The following SHROOM2 variants were observed in gnomAD, a reference collection of about 807,000 sequenced individuals.
The protein encoded by SHROOM2 is shroom family member 2.
A neutral mutation model predicts 75.9 loss-of-function variants in SHROOM2; 33 were observed. The ratio of observed to expected loss-of-function variants is 0.43; its 90% confidence interval spans 0.33 to 0.58. SHROOM2 has a LOEUF of 0.58. Among genes scored for constraint, SHROOM2 ranks in the 20% least tolerant of loss-of-function variants. The pLI is 0.04. For synonymous variants in SHROOM2, 655 were observed against 663.6 expected, an observed-to-expected ratio of 0.99 and a Z score of 0.20; for missense variants, 1,434 against 1,461.2, an observed-to-expected ratio of 0.98 and a Z score of 0.30.
intron 5 of SHROOM2, among the ~76,000 whole-genome samples, chrX:9,906,595 G>A (rs1400620784): frequency 8.9e-6 from 1 of 112,124 alleles, no homozygotes; most frequent in African/African-American, 3.2e-5. Flanking sequence ...AGGAGTTTGA[G>A]ACCAGCCTGG....
chrX:9,944,579 G>T, intron 8 of SHROOM2, 62 bp from the exon 9 acceptor site: 5 of 1,121,163 alleles, frequency 4.5e-6, no homozygotes, highest in Non-Finnish European at 5.9e-6. Context: ...GAGCAGTGTG[G>T]CCGGGGTGGG....
chrX:9,869,424 C>A (rs1164186894), intron 1 of SHROOM2, among the ~76,000 whole-genome samples: 3 of 112,279 alleles, frequency 2.7e-5, no homozygotes, highest in African/African-American at 6.5e-5. Flanking sequence ...CAGAACTTGT[C>A]ATCTTCCCAA....
chrX:9,894,883 C>A lies in SHROOM2; in HGVS notation c.975C>A (p.Ser325Arg). 8.3e-7 allele frequency: 1 copy of A among 1,211,394 alleles called. No individual in the cohort carries two copies. The highest frequency in any genetic ancestry group is 1.1e-6 in the Non-Finnish European group (1 of 895,285). The change falls in exon 4 of 10, where the codon AGC (serine) becomes AGA (arginine). Residue 325 changes from serine to arginine, a missense_variant. Physicochemically the swap from Ser to Arg is moderately radical, Grantham distance 110. This residue lies in a region of SHROOM2 where 1,340 missense variants were observed against 1,338.3 expected (regional missense o/e 1.00). Coordinates refer to ENST00000380913, the MANE Select transcript of SHROOM2 (RefSeq NM_001649.4). ...PPPPPPLRSD[S>R]FAATKSHEKA... Reference sequence around the variant, plus strand: ...CCCCTCCCCCTCTCCGCAGTGACAGCTTTGCTGCCACCAAGAGCCACGAGA... The same window carrying A: ...CCCCTCCCCCTCTCCGCAGTGACAGATTTGCTGCCACCAAGAGCCACGAGA...
In SHROOM2 at chrX:9,890,983, C is replaced by T. The variant is rs777680578; in HGVS notation, c.324C>T (p.Ser108=). The T allele has an allele frequency of 8.3e-6, 10 of 1,203,768 alleles. No homozygotes were observed. In the Admixed American group the frequency reaches 8.9e-5, roughly 11 times the overall value. ...KTLKLVVKRR[S]ELGWRPHSWH... ...CCCCTGCGTTCTTTTCTAGGAGGAGCGAGCTGGGCTGGAGGCCTCACTCCT... is the reference window on the plus strand; with the variant it reads ...CCCCTGCGTTCTTTTCTAGGAGGAGTGAGCTGGGCTGGAGGCCTCACTCCT... Residue 108 remains serine (S), a synonymous_variant, in exon 3 of 10, where the codon AGC becomes AGT. Transcript: ENST00000380913.
At chrX:9,902,524 A>T (rs1461165439) in intron 5 of SHROOM2, among the ~76,000 whole-genome samples, 1 of 112,375 alleles carries the variant, frequency 8.9e-6, no homozygotes, top group Non-Finnish European at 1.9e-5. Flanking sequence ...TGTGTCCTAA[A>T]ATTTTATTTA....
chrX:9,916,468 G>A (rs149730187), intron 5 of SHROOM2, among the ~76,000 whole-genome samples: 2 of 111,689 alleles, frequency 1.8e-5, no homozygotes, highest in East Asian at 2.8e-4. Context: ...GATTTCCTTC[G>A]GATAAAATTC....
intron 5 of SHROOM2, among the ~76,000 whole-genome samples, chrX:9,899,474 C>T (rs1200349916): frequency 9.0e-6 from 1 of 111,526 alleles, no homozygotes; most frequent in Non-Finnish European, 1.9e-5. Flanking sequence ...ACACTGACCT[C>T]AAAACTCAAG....
intron 2 of SHROOM2, among the ~76,000 whole-genome samples, chrX:9,890,513 G>A (rs1281859826): frequency 1.8e-5 from 2 of 113,956 alleles, no homozygotes; most frequent in Non-Finnish European, 3.7e-5. Flanking sequence ...ACATGGTGCC[G>A]TGCACCTGCC....
At chrX:9,946,020 G>T (rs867877380) in intron 9 of SHROOM2, among the ~76,000 whole-genome samples, 2 of 112,924 alleles carry the variant, frequency 1.8e-5, no homozygotes. Flanking sequence ...GCTGGGCTTG[G>T]AGACGGTGCC....
chrX:9,786,510 C>T lies in SHROOM2; in HGVS notation c.-36C>T. 1.2e-6 allele frequency: 1 copy of T among 842,730 alleles called. No individual in the cohort carries two copies. Among genetic ancestry groups the T allele is most frequent in the Non-Finnish European group, 1.4e-6 (1 of 693,860 alleles). The allele number at this position is 842,730 out of a possible 1,213,427, so 69.5% of individuals were successfully genotyped here. ...CCCACGGCCGGGACTGCCCGGAGTG[C>T]ATGGGCGCGGGCCAGGGACGCTGAG... On this transcript the variant is annotated 5_prime_UTR_variant, in exon 1 of 10. Coordinates refer to ENST00000380913, the MANE Select transcript of SHROOM2 (RefSeq NM_001649.4).
In SHROOM2 at chrX:9,895,256, G is replaced by A. The variant is rs200380404; in HGVS notation, c.1348G>A (p.Ala450Thr). The A allele has an allele frequency of 1.0e-4, 119 of 1,186,677 alleles. 1 individual carries two copies. Among genetic ancestry groups the A allele is most frequent in the African/African-American group, 1.8e-5 (1 of 56,736 alleles). ...ADSLGQEPGA[A>T]SFQNDSPPQV... ...CAGCCTTGGGCAGGAGCCAGGGGCT[G>A]CCAGCTTCCAGAACGACAGCCCTCC... Residue 450 changes from alanine to threonine, a missense_variant, in exon 4 of 10, where the codon GCC (alanine) becomes ACC (threonine). By Grantham distance (58) the Ala-to-Thr change is moderately conservative. Around this residue, in one of 3 missense-constraint regions of SHROOM2, gnomAD observed 1,340 missense variants for 1,338.3 expected, o/e 1.00. Coordinates refer to ENST00000380913, the MANE Select transcript of SHROOM2 (RefSeq NM_001649.4).
intron 1 of SHROOM2, chrX:9,819,507 A>G (rs1369822948): frequency 8.2e-6 from 2 of 244,546 alleles, no homozygotes; most frequent in African/African-American, 5.8e-5. Context: ...AGATGAAGAG[A>G]TCTTTGATTG....
At chrX:9,819,960 AT>A (rs1228877738) in intron 1 of SHROOM2, among the ~76,000 whole-genome samples, 1 of 107,356 alleles carries the variant, frequency 9.3e-6, no homozygotes, top group African/African-American at 3.4e-5. Context: ...CACCCAGCTA[AT>A]TTTTTTAATT....
At position 9,830,584 on chromosome X, in the gene SHROOM2, C is replaced by CTTTTT. The variant is rs1166769024; in HGVS notation, c.166-43038_166-43034dup. Among the ~76,000 whole-genome samples the CTTTTT allele has an allele frequency of 2.1e-3, 70 of 33,647 alleles. 10 individuals carry two copies. The highest frequency in any genetic ancestry group is 2.7e-3 in the Non-Finnish European group (56 of 20,507). 29.2% of individuals were successfully genotyped at this position (33,647 alleles called of 115,157 possible). A position where few individuals can be genotyped will look rare whatever the true frequency, so the allele number is the denominator to read the frequency against. On this transcript the variant is annotated intron_variant, in intron 1 of 9. Transcript: ENST00000380913. ...AGGGTCTCAAGTGAACCCCTGGTTT[C>CTTTTT]TTTTTTTTTTTTTTTTTTTTTTTTT...
At chrX:9,863,758 C>A (rs958980239) in intron 1 of SHROOM2, among the ~76,000 whole-genome samples, 2 of 110,052 alleles carry the variant, frequency 1.8e-5, no homozygotes, top group African/African-American at 6.6e-5. Context: ...TCCTGAGGAG[C>A]TTTTTTGTAT....
At chrX:9,934,145 A>G (rs2084677044) in intron 6 of SHROOM2, among the ~76,000 whole-genome samples, 1 of 111,652 alleles carries the variant, frequency 9.0e-6, no homozygotes, top group Non-Finnish European at 1.9e-5. Flanking sequence ...AGGACCCACC[A>G]TCACCTGTGC....
chrX:9,845,692 C>T (rs1214948716), intron 1 of SHROOM2, among the ~76,000 whole-genome samples: 4 of 110,443 alleles, frequency 3.6e-5, no homozygotes, highest in African/African-American at 9.9e-5. Flanking sequence ...CCTTTCTGTC[C>T]GTCTCTGCTC....
At chrX:9,814,009 G>C (rs2083805553) in intron 1 of SHROOM2, among the ~76,000 whole-genome samples, 1 of 111,864 alleles carries the variant, frequency 8.9e-6, no homozygotes, top group African/African-American at 3.2e-5. Context: ...CAATTACAGG[G>C]CTCTTCAAAG....
intron 5 of SHROOM2, among the ~76,000 whole-genome samples, chrX:9,926,242 C>T (rs1233613335): frequency 8.9e-6 from 1 of 112,102 alleles, no homozygotes; most frequent in African/African-American, 3.2e-5. Context: ...TGATGGATCC[C>T]GATTGGATGT....
Sources: gnomAD v4.1 joint callset for allele counts (sites outside exome capture counted in the v4.1 genomes callset) on GRCh38, gnomAD v4.1.1 for gene constraint, gnomAD v4.1.1 regional missense constraint, MANE v1.5 for transcripts, NCBI Gene and HGNC (gene_info 2026-07-23, HGNC 2026-07-21) for gene names.